HS6ST2: variants seen among roughly 807,000 people sequenced by gnomAD.
HS6ST2 encodes heparan sulfate 6-O-sulfotransferase 2, also known as heparan-sulfate 6-O-sulfotransferase 2.
HS6ST2 carries 17 observed loss-of-function variants against 33.0 expected under a neutral mutation model. The observed-to-expected ratio is 0.52, with a 90% CI of 0.35 to 0.77. HS6ST2 has a LOEUF of 0.77. HS6ST2 is among the 30% of genes least tolerant of loss of function. The probability of loss-of-function intolerance (pLI) is 0.01; values close to 1 mark genes in which losing one functional copy is unlikely to be tolerated. For synonymous variants in HS6ST2, 248 were observed against 237.1 expected (o/e 1.05, Z -0.42); for missense variants, 519 against 551.7 (o/e 0.94, Z 0.59).
intron 2 of HS6ST2, among the ~76,000 whole-genome samples, chrX:132,843,412 G>A (rs1286922565): frequency 9.0e-6 from 1 of 111,532 alleles, no homozygotes; most frequent in African/African-American, 3.3e-5. Context: ...GTTAAATGAC[G>A]TGTGTGTGTT....
intron 4 of HS6ST2, among the ~76,000 whole-genome samples, chrX:132,660,055 C>T (rs1033299523): frequency 1.8e-5 from 2 of 111,330 alleles, no homozygotes. Flanking sequence ...TCCACGATTC[C>T]TTATACCTCT....
chrX:132,894,109 A>G (rs2148454386), intron 2 of HS6ST2, among the ~76,000 whole-genome samples: 1 of 105,093 alleles, frequency 9.5e-6, no homozygotes, highest in South Asian at 4.5e-4. Context: ...TGATATAGTC[A>G]TGATGGGTTT....
intron 2 of HS6ST2, among the ~76,000 whole-genome samples, chrX:132,879,911 C>T (rs1327901194): frequency 9.0e-6 from 1 of 111,423 alleles, no homozygotes; most frequent in Non-Finnish European, 1.9e-5. Flanking sequence ...ATCACTATTC[C>T]TCCCCTGGCA....
intron 2 of HS6ST2, among the ~76,000 whole-genome samples, chrX:132,819,155 A>G (rs1326429391): frequency 9.0e-6 from 1 of 110,828 alleles, no homozygotes; most frequent in Non-Finnish European, 1.9e-5. Flanking sequence ...TGGGTGGATT[A>G]GGCCATTATG....
chrX:132,799,559 T>C (rs1487500752), intron 2 of HS6ST2, among the ~76,000 whole-genome samples: 1 of 109,660 alleles, frequency 9.1e-6, no homozygotes, highest in Non-Finnish European at 1.9e-5. Context: ...TTTTGCATTT[T>C]TTGGTAGAAA....
chrX:132,737,808 G>T (rs771809030), intron 2 of HS6ST2, among the ~76,000 whole-genome samples: 1 of 112,504 alleles, frequency 8.9e-6, no homozygotes, highest in African/African-American at 3.2e-5. Context: ...GCAAGTGCCC[G>T]CTGCAGCAGC....
At chrX:132,719,639 C>T (rs1340997306) in intron 2 of HS6ST2, among the ~76,000 whole-genome samples, 3 of 111,730 alleles carry the variant, frequency 2.7e-5, no homozygotes, top group Non-Finnish European at 5.7e-5. Context: ...TGTTTTGGCC[C>T]CTTCGTTTCT....
chrX:132,842,427 G>A (rs948996685), intron 2 of HS6ST2, among the ~76,000 whole-genome samples: 2 of 111,986 alleles, frequency 1.8e-5, no homozygotes, highest in East Asian at 2.8e-4. Flanking sequence ...ATGTTAACTC[G>A]AACTCATAAT....
At chrX:132,866,053 C>T (rs2065975112) in intron 2 of HS6ST2, among the ~76,000 whole-genome samples, 1 of 110,846 alleles carries the variant, frequency 9.0e-6, no homozygotes, top group Admixed American at 9.6e-5. Flanking sequence ...AAGTCCTTGC[C>T]CATGCCTATG....
At chrX:132,783,620 C>T (rs1602671110) in intron 2 of HS6ST2, among the ~76,000 whole-genome samples, 1 of 111,111 alleles carries the variant, frequency 9.0e-6, no homozygotes, top group African/African-American at 3.3e-5. Context: ...CCCAAATGCA[C>T]ACAGGGTCCT....
At position 132,805,513 on chromosome X, in the gene HS6ST2, C is replaced by A. The variant is rs925560768; in HGVS notation, c.948-97019G>T. ...CCTAGCCTCTTCCCTGACAGAGACA[C>A]CCAGATTGGTTCATCTGCATAGCCC... On this transcript the variant is annotated intron_variant, in intron 2 of 4. Transcript: ENST00000370833. 7.5e-5 allele frequency among the ~76,000 whole-genome samples: 8 copies of A among 105,966 alleles called. 1 individual carries two copies. The highest frequency in any genetic ancestry group is 2.6e-4 in the African/African-American group (8 of 30,198). The allele number at this position is 105,966 out of a possible 115,157, so 92.0% of individuals were successfully genotyped here. A position where few individuals can be genotyped will look rare whatever the true frequency, so the allele number is the denominator to read the frequency against.
intron 1 of HS6ST2, among the ~76,000 whole-genome samples, 151 bp from the exon 2 acceptor site, chrX:132,957,477 G>A (rs1288581697): frequency 9.1e-6 from 1 of 109,569 alleles, no homozygotes; most frequent in Non-Finnish European, 1.9e-5. Context: ...GGCTGCGGCG[G>A]CGGCTCCCTT....
intron 4 of HS6ST2, among the ~76,000 whole-genome samples, chrX:132,632,700 T>TA (rs1190106442): frequency 7.0e-4 from 76 of 108,087 alleles, no homozygotes; most frequent in Middle Eastern, 9.4e-3. Context: ...AGGGTATGAT[T>TA]AAAAAAAAAC....
intron 3 of HS6ST2, among the ~76,000 whole-genome samples, chrX:132,690,873 A>G (rs1321131658): frequency 8.0e-5 from 9 of 112,021 alleles, no homozygotes; most frequent in Non-Finnish European, 9.4e-5. Flanking sequence ...CCCAGTCTAC[A>G]ACACACTGTC....
chrX:132,942,092 T>C (rs1156561076), intron 2 of HS6ST2, among the ~76,000 whole-genome samples: 1 of 111,745 alleles, frequency 8.9e-6, no homozygotes, highest in Non-Finnish European at 1.9e-5. Flanking sequence ...ATTTCAACAT[T>C]GCTTTAATGC....
intron 2 of HS6ST2, among the ~76,000 whole-genome samples, chrX:132,886,666 G>A (rs1208243655): frequency 3.6e-5 from 4 of 111,029 alleles, no homozygotes; most frequent in Non-Finnish European, 7.5e-5. Flanking sequence ...GAGAGAGACT[G>A]AGGGGAGGGA....
intron 3 of HS6ST2, among the ~76,000 whole-genome samples, chrX:132,704,950 C>T (rs1436733552): frequency 3.6e-5 from 4 of 111,978 alleles, no homozygotes; most frequent in Admixed American, 2.8e-4. Flanking sequence ...GACATCCTGC[C>T]CTGGAGATTC....
At chrX:132,775,316 G>A (rs2064946136) in intron 2 of HS6ST2, among the ~76,000 whole-genome samples, 1 of 111,091 alleles carries the variant, frequency 9.0e-6, no homozygotes, top group South Asian at 3.9e-4. Flanking sequence ...AGACCATAGT[G>A]ACCTTAGGTG....
At chrX:132,823,836 G>C (rs915385295) in intron 2 of HS6ST2, among the ~76,000 whole-genome samples, 7 of 86,759 alleles carry the variant, frequency 8.1e-5, no homozygotes, top group African/African-American at 3.0e-4. Context: ...GCCTGGGCAA[G>C]AGTGAGACTT....
Sources: allele counts gnomAD v4.1 joint callset (sites outside exome capture counted in the v4.1 genomes callset), GRCh38; gene constraint gnomAD v4.1.1; transcripts MANE v1.5; gene names NCBI Gene and HGNC (gene_info 2026-07-23, HGNC 2026-07-21).